NEXMIF: variants seen among roughly 807,000 people sequenced by gnomAD.
NEXMIF encodes XLMR protein related to neurite extension.
In NEXMIF, 8 loss-of-function variants were observed where a neutral mutation model predicts 62.1. The ratio of observed to expected loss-of-function variants is 0.13; its 90% CI spans 0.08 to 0.23. NEXMIF has a LOEUF of 0.23. Ranked by LOEUF, NEXMIF falls within the 10% of genes least tolerant of loss-of-function variation. NEXMIF has a pLI of 1.00. For synonymous variants in NEXMIF, 404 were observed against 416.6 expected, an observed-to-expected ratio of 0.97 and a Z score of 0.37; for missense variants, 976 against 1,113.3, an observed-to-expected ratio of 0.88 and a Z score of 1.75.
chrX:74,734,284 C>G lies in NEXMIF; in HGVS notation c.*5121G>C, dbSNP rs2080079846. 9.0e-6 allele frequency: 1 copy of G among 111,682 alleles called. No individual in the cohort carries two copies. The highest frequency in any genetic ancestry group is 3.7e-4 in the South Asian group (1 of 2,681). 9.2% of individuals were successfully genotyped at this position (111,682 alleles called of 1,213,427 possible). On this transcript the variant is annotated 3_prime_UTR_variant, in exon 4 of 4. Coordinates refer to ENST00000055682, the MANE Select transcript of NEXMIF (RefSeq NM_001008537.3). ...TTTCTTTAGCACCATAAATCAGCAA[C>G]TTACTAAAGAGGTGCATTCAGTTCT...
chrX:74,882,686 GGCCT>G (rs1206215196), intron 1 of NEXMIF, among the ~76,000 whole-genome samples: 1 of 112,205 alleles, frequency 8.9e-6, no homozygotes, highest in Non-Finnish European at 1.9e-5. Context: ...AGCTCAAAGA[GGCCT>G]GCCTGCCTCT....
chrX:74,883,983 G>A (rs1344725018), intron 1 of NEXMIF, among the ~76,000 whole-genome samples: 1 of 112,098 alleles, frequency 8.9e-6, no homozygotes, highest in African/African-American at 3.2e-5. Flanking sequence ...GAGAGTGGGG[G>A]CCAATATTCA....
chrX:74,850,806 C>T (rs892392064), intron 1 of NEXMIF, among the ~76,000 whole-genome samples: 2 of 109,998 alleles, frequency 1.8e-5, no homozygotes, highest in African/African-American at 6.6e-5. Context: ...ACACAAGAAA[C>T]ATGAAAAAGC....
chrX:74,781,816 G>A (rs1296333256), intron 1 of NEXMIF, among the ~76,000 whole-genome samples: 4 of 100,169 alleles, frequency 4.0e-5, no homozygotes, highest in Admixed American at 1.1e-4. Context: ...ATGTGTATGT[G>A]AAATGTATGT....
chrX:74,761,373 T>G (rs766315208), intron 1 of NEXMIF, among the ~76,000 whole-genome samples: 1 of 111,849 alleles, frequency 8.9e-6, no homozygotes, highest in South Asian at 3.7e-4. Flanking sequence ...TGGTAGACTA[T>G]TTATTACTGA....
At chrX:74,767,983 A>G (rs1032651989) in intron 1 of NEXMIF, among the ~76,000 whole-genome samples, 1 of 110,895 alleles carries the variant, frequency 9.0e-6, no homozygotes, top group African/African-American at 3.3e-5. Context: ...GGGGGGTCTA[A>G]CCTCCAGGTT....
At chrX:74,800,541 C>A (rs762116564) in intron 1 of NEXMIF, among the ~76,000 whole-genome samples, 1 of 110,717 alleles carries the variant, frequency 9.0e-6, no homozygotes, top group African/African-American at 3.3e-5. Flanking sequence ...TTCCGTGATC[C>A]CAAAAATTCC....
At chrX:74,880,596 C>T (rs759827301) in intron 1 of NEXMIF, among the ~76,000 whole-genome samples, 1 of 112,267 alleles carries the variant, frequency 8.9e-6, no homozygotes, top group East Asian at 2.8e-4. Flanking sequence ...GTCTTTGTTT[C>T]TACTCAAATA....
intron 1 of NEXMIF, among the ~76,000 whole-genome samples, chrX:74,872,396 T>G (rs1356104972): frequency 2.2e-5 from 2 of 89,965 alleles, no homozygotes; most frequent in Non-Finnish European, 4.1e-5. Flanking sequence ...CACATAGGGA[T>G]AGACAGCAGA....
chrX:74,826,032 C>T (rs1011548632), intron 1 of NEXMIF, among the ~76,000 whole-genome samples: 2 of 112,088 alleles, frequency 1.8e-5, no homozygotes, highest in Non-Finnish European at 3.8e-5. Context: ...GGTCATATAC[C>T]CAGTAATGGG....
intron 1 of NEXMIF, among the ~76,000 whole-genome samples, chrX:74,833,728 G>T (rs1235949347): frequency 9.0e-6 from 1 of 110,882 alleles, no homozygotes; most frequent in African/African-American, 3.3e-5. Context: ...CTTTTATTTT[G>T]TGTGATCCAT....
At chrX:74,845,327 G>A (rs1223771736) in intron 1 of NEXMIF, among the ~76,000 whole-genome samples, 1 of 111,504 alleles carries the variant, frequency 9.0e-6, no homozygotes, top group East Asian at 2.8e-4. Context: ...TCTACTCTGA[G>A]GATACACATG....
chrX:74,802,993 G>T (rs779149385), intron 1 of NEXMIF, among the ~76,000 whole-genome samples: 4 of 110,057 alleles, frequency 3.6e-5, no homozygotes, highest in South Asian at 7.7e-4. Context: ...TCGAAGACAG[G>T]CTATTTGAAA....
intron 1 of NEXMIF, among the ~76,000 whole-genome samples, chrX:74,851,854 C>T (rs191433717): frequency 4.2e-4 from 47 of 111,439 alleles, no homozygotes; most frequent in Admixed American, 2.3e-3. Context: ...GTTATGACTA[C>T]GGAAAACCAC....
At chrX:74,808,406 T>C (rs1174388762) in intron 1 of NEXMIF, among the ~76,000 whole-genome samples, 1 of 111,489 alleles carries the variant, frequency 9.0e-6, no homozygotes, top group Non-Finnish European at 1.9e-5. Flanking sequence ...AGACTCTGTC[T>C]CAAAAAAAAA....
intron 1 of NEXMIF, among the ~76,000 whole-genome samples, chrX:74,864,571 G>A (rs915838695): frequency 6.2e-5 from 7 of 112,071 alleles, no homozygotes; most frequent in Non-Finnish European, 1.3e-4. Flanking sequence ...CACTACACAT[G>A]TGCTCTTGCC....
chrX:74,802,722 C>T (rs911795875), intron 1 of NEXMIF, among the ~76,000 whole-genome samples: 15 of 110,502 alleles, frequency 1.4e-4, no homozygotes, highest in Non-Finnish European at 5.7e-5. Context: ...AATAAGGCAC[C>T]GGGGACCAAT....
intron 1 of NEXMIF, among the ~76,000 whole-genome samples, chrX:74,875,686 T>C (rs986058027): frequency 1.8e-5 from 2 of 112,176 alleles, no homozygotes; most frequent in Non-Finnish European, 3.8e-5. Context: ...GTTATTGGTC[T>C]ATTCAGAGAT....
intron 1 of NEXMIF, among the ~76,000 whole-genome samples, chrX:74,907,313 T>C (rs2080772145): frequency 9.9e-6 from 1 of 101,287 alleles, no homozygotes; most frequent in Non-Finnish European, 2.0e-5. Context: ...GTAAAGCCCT[T>C]GTGTGTTCAG....
Sources: gnomAD v4.1 joint callset for allele counts (sites outside exome capture counted in the v4.1 genomes callset) on GRCh38, gnomAD v4.1.1 for gene constraint, MANE v1.5 for transcripts, NCBI Gene and HGNC (gene_info 2026-07-23, HGNC 2026-07-21) for gene names.